Variants in IPO7 observed in about 807,000 individuals in gnomAD.
IPO7 encodes the protein importin 7.
Under a neutral mutation model 136.4 loss-of-function variants are expected in IPO7, and 13 were observed. That is an observed-to-expected ratio of 0.10 (90% CI 0.06 to 0.15). The LOEUF (loss-of-function observed/expected upper bound fraction) is 0.15. IPO7 is among the 10% of genes least tolerant of loss of function. The pLI is 1.00. For synonymous variants in IPO7, 403 were observed against 404.4 expected (o/e 1.00, Z 0.04); for missense variants, 857 against 1,240.6 (o/e 0.69, Z 4.65).
intron 17 of IPO7, 23 bp from the exon 18 acceptor site, chr11:9,433,698 A>AAT (rs769550360): frequency 3.0e-5 from 48 of 1,612,972 alleles, no homozygotes; most frequent in Middle Eastern, 1.8e-4. Flanking sequence ...GCATTTTCCT[A>AAT]ATGACTTAGT....
At chr11:9,431,396 A>G (rs1027519188) in intron 16 of IPO7, among the ~76,000 whole-genome samples, 1 of 152,052 alleles carries the variant, frequency 6.6e-6, no homozygotes, top group Non-Finnish European at 1.5e-5. Context: ...TTATGCAACC[A>G]TCACTACCAT....
intron 15 of IPO7, among the ~76,000 whole-genome samples, chr11:9,430,079 A>G (rs1855271461): frequency 6.6e-6 from 1 of 152,154 alleles, no homozygotes; most frequent in Non-Finnish European, 1.5e-5. Flanking sequence ...AGATCCTTGA[A>G]TGCACATTTC....
Position 9,408,630 on chromosome 11 carries a change from A to C in IPO7, c.311A>C (p.Glu104Ala). The change falls in exon 3 of 25, where the codon GAG becomes GCG. Residue 104 changes from glutamate to alanine, a missense_variant. By Grantham distance (107) the Glu-to-Ala change is moderately radical. Transcript: ENST00000379719. ...NIVEAIIHSP[E>A]LIRVQLTTCI... is the part of the protein sequence containing the mutation. ...GTAGAAGCCATTATCCATTCTCCTG[A>C]GCTCATCAGGTATGTATTTTTAAAA... The C allele has an allele frequency of 6.3e-7, 1 of 1,588,232 alleles. No homozygotes were observed. The highest frequency in any genetic ancestry group is 8.6e-7 in the Non-Finnish European group (1 of 1,169,118).
chr11:9,436,803 G>A (rs1855375165), intron 20 of IPO7, among the ~76,000 whole-genome samples: 1 of 124,820 alleles, frequency 8.0e-6, no homozygotes, highest in African/African-American at 3.1e-5. Context: ...CTCCCAAGTA[G>A]CTGGGATTAC....
At chr11:9,424,755 G>C (rs779790115) in intron 10 of IPO7, among the ~76,000 whole-genome samples, 159 bp from the exon 11 acceptor site, 6 of 152,092 alleles carry the variant, frequency 3.9e-5, no homozygotes, top group Non-Finnish European at 7.4e-5. Context: ...ACAAACAAAA[G>C]CATTCAATTT....
chr11:9,437,989 G>T lies in IPO7; in HGVS notation c.2489+15G>T. On this transcript the variant is annotated intron_variant, in intron 21 of 24. Transcript: ENST00000379719. The stretch of plus-strand genomic sequence containing the variant: ...TGTTTCTTGGGGTAAGTGATGTATT[G>T]CAATTTTACTACATTTGCTTTGGGA... 1 of 1,588,280 alleles carries T rather than the reference G, an allele frequency of 6.3e-7. No individual in the cohort carries two copies. Among genetic ancestry groups the T allele is most frequent in the Non-Finnish European group, 8.6e-7 (1 of 1,167,068 alleles).
At chr11:9,414,192 TTAAATA>T in intron 4 of IPO7, 57 bp from the exon 5 acceptor site, 1 of 1,225,476 alleles carries the variant, frequency 8.2e-7, no homozygotes, top group Non-Finnish European at 1.1e-6. Context: ...AATGCATAGT[TTAAATA>T]TATATACAAT....
chr11:9,442,363 ATAACT>A (rs1310256105), intron 24 of IPO7, among the ~76,000 whole-genome samples, 166 bp downstream of exon 24: 2 of 152,294 alleles, frequency 1.3e-5, no homozygotes, highest in South Asian at 2.1e-4. Flanking sequence ...TTAATTCAAG[ATAACT>A]TAATTTTGGC....
chr11:9,395,550 C>A (rs1295726090), intron 1 of IPO7, among the ~76,000 whole-genome samples: 1 of 151,870 alleles, frequency 6.6e-6, no homozygotes, highest in Non-Finnish European at 1.5e-5. Flanking sequence ...TCACTTGTTA[C>A]CTTCTTTGGG....
intron 12 of IPO7, among the ~76,000 whole-genome samples, chr11:9,425,819 C>T (rs1420954440): frequency 6.6e-6 from 1 of 150,552 alleles, no homozygotes; most frequent in Non-Finnish European, 1.5e-5. Flanking sequence ...GTGGAGTTTG[C>T]AGTGAGCCGA....
rs1855252168 is a variant in IPO7, at chr11:9,428,901, G to A, written c.1426-130G>A. Reference sequence around the variant, plus strand: ...AACTTGGGATCATAGTACTGGTCTAGTGTTGTCTCTGGACACATCTACCAC... The same window carrying A: ...AACTTGGGATCATAGTACTGGTCTAATGTTGTCTCTGGACACATCTACCAC... On this transcript the variant is annotated intron_variant, in intron 13 of 24. Coordinates refer to ENST00000379719, the MANE Select transcript of IPO7 (RefSeq NM_006391.3). 3 of 844,104 alleles carry A rather than the reference G, an allele frequency of 3.6e-6. No individual in the cohort carries two copies. The South Asian group carries it at 4.0e-5, about 11-fold the overall frequency. 52.3% of individuals were successfully genotyped at this position (844,104 alleles called of 1,614,324 possible).
intron 1 of IPO7, among the ~76,000 whole-genome samples, chr11:9,400,277 G>A (rs1854774336): frequency 6.6e-6 from 1 of 152,124 alleles, no homozygotes; most frequent in African/African-American, 2.4e-5. Context: ...GGCACCGACT[G>A]TATTTTATTG....
Position 9,384,690 on chromosome 11 carries a change from C to T in IPO7, c.-74C>T, listed in dbSNP as rs1854524112. 8 of 1,260,382 alleles carry T rather than the reference C, an allele frequency of 6.3e-6. No homozygotes were observed. The highest frequency in any genetic ancestry group is 7.8e-6 in the Non-Finnish European group (7 of 900,560). 78.1% of individuals were successfully genotyped at this position (1,260,382 alleles called of 1,614,324 possible). A position where few individuals can be genotyped will look rare whatever the true frequency, so the allele number is the denominator to read the frequency against. On this transcript the variant is annotated 5_prime_UTR_variant, in exon 1 of 25. Transcript: ENST00000379719. ...TTGCCGCTGCGGAGCGCGGCGGGTC[C>T]ATGTGCGCAGTGAGTGGCGCTATTC...
chr11:9,440,078 A>T (rs1855441392), intron 22 of IPO7, among the ~76,000 whole-genome samples: 1 of 152,230 alleles, frequency 6.6e-6, no homozygotes, highest in South Asian at 2.1e-4. Context: ...ATAAAATATT[A>T]AGAGAAATTA....
At chr11:9,407,470 G>A (rs1448317003) in intron 2 of IPO7, among the ~76,000 whole-genome samples, 3 of 152,054 alleles carry the variant, frequency 2.0e-5, no homozygotes, top group African/African-American at 4.8e-5. Context: ...AAGGAGAATC[G>A]CTTGAACTAG....
At chr11:9,432,033 G>A (rs1855301409) in intron 16 of IPO7, among the ~76,000 whole-genome samples, 1 of 151,946 alleles carries the variant, frequency 6.6e-6, no homozygotes, top group Admixed American at 6.6e-5. Context: ...AAGCCCTCAG[G>A]GGACCACTTC....
rs530623874 is a variant in IPO7 at position 9,409,960 on chromosome 11, T to C, written c.353T>C (p.Ile118Thr). The change falls in exon 4 of 25, where the codon ATC (isoleucine) becomes ACC (threonine). Residue 118 changes from isoleucine to threonine, a missense_variant. By Grantham distance (89) the Ile-to-Thr change is moderately conservative. Coordinates refer to ENST00000379719, the MANE Select transcript of IPO7 (RefSeq NM_006391.3). ...VQLTTCIHHIIKHDYPSRWTA... is the reference protein window; with the variant it reads ...VQLTTCIHHITKHDYPSRWTA... ...CTTACTACATGCATTCATCACATCA[T>C]CAAACATGATTATCCAAGCCGCTGG... 2.5e-6 allele frequency: 4 copies of C among 1,586,182 alleles called. No individual in the cohort carries two copies. The African/African-American group carries it at 5.5e-5, about 22-fold the overall frequency.
intron 1 of IPO7, among the ~76,000 whole-genome samples, chr11:9,390,351 G>A (rs997813970): frequency 3.3e-5 from 5 of 151,722 alleles, no homozygotes; most frequent in African/African-American, 1.2e-4. Context: ...GTCACAAAAG[G>A]TTAACTATTA....
At chr11:9,439,259 G>T (rs1002583341) in intron 22 of IPO7, among the ~76,000 whole-genome samples, 2 of 152,082 alleles carry the variant, frequency 1.3e-5, no homozygotes, top group Non-Finnish European at 2.9e-5. Context: ...GGGATTATAG[G>T]CACGTGCCAC....
Sources: gnomAD v4.1 joint callset for allele counts (sites outside exome capture counted in the v4.1 genomes callset) on GRCh38, gnomAD v4.1.1 for gene constraint, MANE v1.5 for transcripts, NCBI Gene and HGNC (gene_info 2026-07-23, HGNC 2026-07-21) for gene names.